Variants in LTBP4 observed in about 807,000 individuals in gnomAD.
LTBP4 encodes latent transforming growth factor beta binding protein 4.
LTBP4 carries 93 observed loss-of-function variants against 180.2 expected under a neutral mutation model. That is an observed-to-expected ratio of 0.52 (90% CI 0.44 to 0.61). The LOEUF (loss-of-function observed/expected upper bound fraction) is 0.61. Ranked by LOEUF, LTBP4 falls within the 20% of genes least tolerant of loss-of-function variation. LTBP4 has a pLI of 0.00. For missense variants in LTBP4, 2,116 were observed against 2,256.5 expected, an observed-to-expected ratio of 0.94 and a Z score of 1.26; for synonymous variants, 947 against 934.5, an observed-to-expected ratio of 1.01 and a Z score of -0.24.
At chr19:40,599,444 C>T (rs1160788559), upstream of LTBP4, 2 of 1,613,942 alleles carry the variant, frequency 1.2e-6, no homozygotes, top group East Asian at 4.5e-5. Flanking sequence ...CCGAAGCTGC[C>T]AGCCCAAAAA....
upstream of LTBP4, among the ~76,000 whole-genome samples, chr19:40,598,150 G>C (rs1399099532): frequency 7.7e-6 from 1 of 130,698 alleles, no homozygotes; most frequent in Non-Finnish European, 1.6e-5. Flanking sequence ...CCAGCGCTCC[G>C]TTACAAAGGC....
chr19:40,608,569 C>G lies in LTBP4; in HGVS notation c.1392C>G (p.Ile464Met). 3 of 1,602,086 alleles carry G rather than the reference C, an allele frequency of 1.9e-6. No homozygotes were observed. Among genetic ancestry groups the G allele is most frequent in the Non-Finnish European group, 2.6e-6 (3 of 1,174,884 alleles). ...GCCCTGAGCTTCCCTTGCCCAGCAT[C>G]CCTGCCTGGACTGGTCCTGAGATTC... ...RPGPELPLPS[I>M]PAWTGPEIPE... The change falls in exon 9 of 30, where the codon ATC becomes ATG. Residue 464 changes from isoleucine to methionine, a missense_variant. Physicochemically the swap from Ile to Met is conservative, Grantham distance 10. This residue lies in a region of LTBP4 where 877 missense variants were observed against 873.6 expected (regional missense o/e 1.00). Transcript: ENST00000396819.
rs778437139 is a variant in LTBP4 at position 40,627,756 on chromosome 19, T to C, written c.4418T>C (p.Leu1473Pro). ...CTGGAGGCGGAGGAGTGCGGGATCC[T>C]GGACGGCTGCACCAACGGCCGCTGC... ...EELEAEECGI[L>P]DGCTNGRCVR... The change falls in exon 29 of 30, where the codon CTG (leucine) becomes CCG (proline). Residue 1473 changes from leucine to proline, a missense_variant. Coordinates refer to ENST00000396819, the MANE Select transcript of LTBP4 (RefSeq NM_001042545.2). 2 of 1,594,360 alleles carry C rather than the reference T, an allele frequency of 1.3e-6. No homozygotes were observed. The highest frequency in any genetic ancestry group is 1.7e-6 in the Non-Finnish European group (2 of 1,172,520).
Position 40,605,495 on chromosome 19 carries a change from A to T in LTBP4, c.533A>T (p.Glu178Val). ...GTGGAGCGTGTGTCTGGCCCTTGGG[A>T]GGAGGCGGACGCTGAGGCGGTGGCG... ...HQVERVSGPW[E>V]EADAEAVARA... Residue 178 changes from glutamate to valine, a missense_variant, in exon 3 of 30, where the codon GAG (glutamate) becomes GTG (valine). Glu to Val is a moderately radical substitution (Grantham distance 121). Around this residue, in one of 5 missense-constraint regions of LTBP4, gnomAD observed 469 missense variants for 532.5 expected, o/e 0.88. Transcript: ENST00000396819. The surrounding 1 kb of genome is among the most constrained non-coding windows in gnomAD (Gnocchi z 5.5). 1 of 1,611,170 alleles carries T rather than the reference A, an allele frequency of 6.2e-7. No individual in the cohort carries two copies. The highest frequency in any genetic ancestry group is 8.5e-7 in the Non-Finnish European group (1 of 1,179,384).
chr19:40,619,352 A>G lies in LTBP4; in HGVS notation c.3076A>G (p.Asn1026Asp). Reference protein sequence around the residue: ...ARDGRHCVDVNECETLQGVCG... With the variant: ...ARDGRHCVDVDECETLQGVCG... Reference sequence around the variant, plus strand: ...CTGTTGTCTCCTGCTTACAGATGTGAACGAGTGTGAAACACTACAGGGTGT... The same window carrying G: ...CTGTTGTCTCCTGCTTACAGATGTGGACGAGTGTGAAACACTACAGGGTGT... The change falls in exon 22 of 30, where the codon AAC (asparagine) becomes GAC (aspartate). Residue 1026 changes from asparagine (N) to aspartate (D), a missense_variant. By Grantham distance (23) the Asn-to-Asp change is conservative (BLOSUM62 1). Coordinates refer to ENST00000396819, the MANE Select transcript of LTBP4 (RefSeq NM_001042545.2). The G allele has an allele frequency of 1.2e-6, 2 of 1,613,666 alleles. No homozygotes were observed. The highest frequency in any genetic ancestry group is 1.7e-6 in the Non-Finnish European group (2 of 1,179,656).
At chr19:40,619,807 G>T (rs2081573702) in intron 22 of LTBP4, among the ~76,000 whole-genome samples, 1 of 152,214 alleles carries the variant, frequency 6.6e-6, no homozygotes, top group African/African-American at 2.4e-5. Flanking sequence ...ACAAGCCAAT[G>T]GGGCAGACAG....
Position 40,605,556 on chromosome 19 carries a change from G to T in LTBP4, c.594G>T (p.Ala198=). 1.2e-6 allele frequency: 2 copies of T among 1,605,564 alleles called. No individual in the cohort carries two copies. The highest frequency in any genetic ancestry group is 1.7e-6 in the Non-Finnish European group (2 of 1,177,186). Residue 198 remains alanine, a synonymous_variant, in exon 3 of 30, where the codon GCG becomes GCT. Coordinates refer to ENST00000396819, the MANE Select transcript of LTBP4 (RefSeq NM_001042545.2). This position sits in a 1 kb window ranked among gnomAD's most constrained non-coding sequence, Gnocchi z 5.5. ...AEAAARAEAA[A]PYTVLAQSAP... ...CGGCGGCGCGGGCGGAGGCGGCAGC[G>T]CCCTACACGGTGTTGGCACAGAGCG...
At chr19:40,604,946 A>G in intron 1 of LTBP4, 89 bp from the exon 2 acceptor site, 1 of 1,231,298 alleles carries the variant, frequency 8.1e-7, no homozygotes, top group South Asian at 1.4e-5. Flanking sequence ...GGAGCGACTT[A>G]GAAATGAATG....
Position 40,627,668 on chromosome 19 carries a change from G to A in LTBP4, c.4367-37G>A, listed in dbSNP as rs2081645783. 1.9e-6 allele frequency: 3 copies of A among 1,560,052 alleles called. No individual in the cohort carries two copies. The Admixed American group carries it at 5.7e-5, about 30-fold the overall frequency. ...CCGTTGTGGGTAAGGGGTGAAGGCA[G>A]GGACCTCAAGTCATAGGGTCCCCGC... is the stretch of plus-strand genomic sequence containing the variant. On this transcript the variant is annotated intron_variant, in intron 28 of 29. Coordinates refer to ENST00000396819, the MANE Select transcript of LTBP4 (RefSeq NM_001042545.2).
upstream of LTBP4, among the ~76,000 whole-genome samples, chr19:40,600,585 C>T (rs1463197835): frequency 6.6e-6 from 1 of 152,170 alleles, no homozygotes; most frequent in Non-Finnish European, 1.5e-5. The surrounding 1 kb of genome is among the most constrained non-coding windows in gnomAD (Gnocchi z 4.4). Flanking sequence ...CCGAATCTTC[C>T]CCCTGCCCTC....
At chr19:40,620,887 C>T (rs181110483) in intron 22 of LTBP4, among the ~76,000 whole-genome samples, 1 of 151,546 alleles carries the variant, frequency 6.6e-6, no homozygotes, top group Non-Finnish European at 1.5e-5. Context: ...TGATGCTGAG[C>T]TTTGGGATAC....
chr19:40,609,672 C>A lies in LTBP4; in HGVS notation c.1558+11C>A. The A allele has an allele frequency of 1.2e-6, 2 of 1,612,474 alleles. No homozygotes were observed. The highest frequency in any genetic ancestry group is 1.7e-6 in the Non-Finnish European group (2 of 1,179,172). ...GCACCCGATGCATTGGTGAGCAAGA[C>A]GGAGGGCGCGGAAGGAGGCGGGGCG... On this transcript the variant is annotated intron_variant, in intron 10 of 29. Transcript: ENST00000396819. The surrounding 1 kb of genome is among the most constrained non-coding windows in gnomAD (Gnocchi z 4.9).
At position 40,613,714 on chromosome 19, in the gene LTBP4, G is replaced by T. The variant is rs951801560; in HGVS notation, c.2557+185G>T. On this transcript the variant is annotated intron_variant, in intron 17 of 29. Coordinates refer to ENST00000396819, the MANE Select transcript of LTBP4 (RefSeq NM_001042545.2). The surrounding 1 kb of genome is among the most constrained non-coding windows in gnomAD (Gnocchi z 5.0). ...GGCGGGGCGTGGAGATGAAAGGGCC[G>T]AGTCTGGGTATTTGGACCGTGATTG... 18 of 1,217,368 alleles carry T rather than the reference G, an allele frequency of 1.5e-5. No homozygotes were observed. The Admixed American group carries it at 3.2e-4, about 22-fold the overall frequency. 75.4% of individuals were successfully genotyped at this position (1,217,368 alleles called of 1,614,324 possible).
At position 40,624,049 on chromosome 19, in the gene LTBP4, C is replaced by A; in HGVS notation, c.3799C>A (p.Arg1267Ser). The change falls in exon 26 of 30, where the codon CGC (arginine) becomes AGC (serine). Residue 1267 changes from arginine to serine, a missense_variant. Around this residue, in one of 5 missense-constraint regions of LTBP4, gnomAD observed 488 missense variants for 458.8 expected, o/e 1.06. Coordinates refer to ENST00000396819, the MANE Select transcript of LTBP4 (RefSeq NM_001042545.2). ...EPPLVLDGSQ[R>S]RCVSNESQSL... ...CCCACTGGTGCTGGATGGCTCGCAG[C>A]GCCGCTGCGTCTCCAACGAGAGCCA... The A allele has an allele frequency of 1.3e-6, 2 of 1,587,436 alleles. No homozygotes were observed. The highest frequency in any genetic ancestry group is 1.7e-6 in the Non-Finnish European group (2 of 1,163,534).
Position 40,607,530 on chromosome 19 carries a change from G to A in LTBP4, c.1156+1G>A. The A allele has an allele frequency of 1.2e-6, 2 of 1,606,962 alleles. No individual in the cohort carries two copies. The highest frequency in any genetic ancestry group is 1.7e-6 in the Non-Finnish European group (2 of 1,177,182). On this transcript the variant is annotated splice_donor_variant, in intron 7 of 29. Coordinates refer to ENST00000396819, the MANE Select transcript of LTBP4 (RefSeq NM_001042545.2). LOFTEE classifies it high-confidence loss of function. ...CAGCTCTGCCCACCCTTCGGCTCAG[G>A]TGAGCCCCTGCGGCAGTGCCTAGCC...
intron 14 of LTBP4, 30 bp downstream of exon 14, chr19:40,612,014 G>A (rs372546681): frequency 2.3e-4 from 368 of 1,612,532 alleles, no homozygotes; most frequent in Non-Finnish European, 2.9e-4. Context: ...GAGGAGTGTG[G>A]ATGGGTGAGG....
intron 21 of LTBP4, among the ~76,000 whole-genome samples, chr19:40,618,792 A>G (rs1599873227): frequency 2.0e-5 from 3 of 152,330 alleles, no homozygotes; most frequent in East Asian, 3.9e-4. Context: ...CTTTAAAGGG[A>G]ATTAAAACTA....
chr19:40,600,815 A>G (rs1371829670), upstream of LTBP4, among the ~76,000 whole-genome samples: 2 of 151,970 alleles, frequency 1.3e-5, no homozygotes, highest in Admixed American at 6.6e-5. The surrounding 1 kb of genome is among the most constrained non-coding windows in gnomAD (Gnocchi z 4.4). Flanking sequence ...ATGTGGCTAC[A>G]TCTTCACATG....
At chr19:40,624,214 T>A in intron 26 of LTBP4, 132 bp downstream of exon 26, 1 of 1,143,040 alleles carries the variant, frequency 8.7e-7, no homozygotes, top group South Asian at 1.7e-5. Flanking sequence ...CACGCCCCAC[T>A]GAGCCCTCAC....
Sources: gnomAD v4.1 joint callset for allele counts (sites outside exome capture counted in the v4.1 genomes callset) on GRCh38, gnomAD v4.1.1 for gene constraint, gnomAD v4.1.1 regional missense constraint, Gnocchi (gnomAD v3.1) non-coding constraint, MANE v1.5 for transcripts, NCBI Gene and HGNC (gene_info 2026-07-23, HGNC 2026-07-21) for gene names.